The following ANO2 variants were observed in gnomAD, a reference collection of about 807,000 sequenced individuals.
ANO2 encodes anoctamin 2.
Under a neutral mutation model 124.2 loss-of-function variants are expected in ANO2, and 101 were observed. That is an observed-to-expected ratio of 0.81 (90% CI 0.69 to 0.96). The LOEUF is 0.96. Among genes scored for constraint, ANO2 ranks in the 40% least tolerant of loss-of-function variants. ANO2 has a pLI of 0.00. For missense variants in ANO2, 1,293 were observed against 1,274.5 expected (o/e 1.01, Z -0.22); for synonymous variants, 486 against 482.5 (o/e 1.01, Z -0.09).
intron 3 of ANO2, among the ~76,000 whole-genome samples, chr12:5,863,834 TG>T (rs1161174676): frequency 2.0e-5 from 3 of 152,200 alleles, no homozygotes; most frequent in Admixed American, 6.5e-5. Context: ...TAATGTTTTA[TG>T]TTAAATAAAC....
At chr12:5,687,811 C>A (rs530495334) in intron 14 of ANO2, among the ~76,000 whole-genome samples, 1 of 152,134 alleles carries the variant, frequency 6.6e-6, no homozygotes, top group South Asian at 2.1e-4. Flanking sequence ...GGGAACAAGG[C>A]CCAGAGATGG....
rs368473586 is a variant in ANO2 at position 5,618,191 on chromosome 12, C to T, written c.1817-2894G>A. ...GGAGCCCCTCCCTGCCTGAAGGTCA[C>T]CTTTGGGGCTAACTCCCTGGCTCTT... On this transcript the variant is annotated intron_variant, in intron 16 of 24. Coordinates refer to ENST00000682330, the MANE Select transcript of ANO2 (RefSeq NM_001364791.2). 1.1e-4 allele frequency among the ~76,000 whole-genome samples: 16 copies of T among 152,306 alleles called. No homozygotes were observed. The East Asian group carries it at 2.5e-3, about 24-fold the overall frequency.
chr12:5,665,981 C>T lies in ANO2; in HGVS notation c.1546-18180G>A, dbSNP rs573913616. On this transcript the variant is annotated intron_variant, in intron 14 of 24. Coordinates refer to ENST00000682330, the MANE Select transcript of ANO2 (RefSeq NM_001364791.2). ...AGAACACGCACAAGGCAACTCTTTA[C>T]TTAGTGAACAAAATGCACAGCTTAA... is the stretch of plus-strand genomic sequence containing the variant. 2.6e-5 allele frequency among the ~76,000 whole-genome samples: 4 copies of T among 152,250 alleles called. 1 individual carries two copies. In the South Asian group the frequency reaches 8.3e-4, roughly 32 times the overall value.
intron 3 of ANO2, among the ~76,000 whole-genome samples, chr12:5,861,998 T>C (rs1243841983): frequency 1.3e-5 from 2 of 152,222 alleles, no homozygotes; most frequent in African/African-American, 4.8e-5. Context: ...CACCATAGTC[T>C]ACCTGTGTCA....
At chr12:5,805,344 A>G (rs2137171083) in intron 9 of ANO2, among the ~76,000 whole-genome samples, 1 of 152,218 alleles carries the variant, frequency 6.6e-6, no homozygotes. Flanking sequence ...TCTGCTCACT[A>G]GAGTTGTTGA....
At chr12:5,628,401 A>G (rs542019598) in intron 16 of ANO2, among the ~76,000 whole-genome samples, 5 of 152,272 alleles carry the variant, frequency 3.3e-5, no homozygotes, top group African/African-American at 7.2e-5. Context: ...TGCTCTCCCA[A>G]TAAATTTAAA....
intron 15 of ANO2, among the ~76,000 whole-genome samples, chr12:5,644,165 C>G (rs1409297028): frequency 6.6e-6 from 1 of 152,140 alleles, no homozygotes; most frequent in Non-Finnish European, 1.5e-5. Context: ...TTCACAGTCC[C>G]TCTTTAAAAT....
rs1311909684 is a variant in ANO2, at chr12:5,721,505, T to TG, written c.1545+11014_1545+11015insC. 3.5e-5 allele frequency among the ~76,000 whole-genome samples: 5 copies of TG among 141,010 alleles called. 1 individual carries two copies. The highest frequency in any genetic ancestry group is 5.3e-5 in the African/African-American group (2 of 37,746). 92.5% of individuals were successfully genotyped at this position (141,010 alleles called of 152,430 possible). On this transcript the variant is annotated intron_variant, in intron 14 of 24. Transcript: ENST00000682330. ...TTTTGGTTTTTGGTTTTGGGTTTTT[T>TG]TTTTTTGTTTTTTTTTAAGAGGCAG...
At chr12:5,923,313 T>G (rs938373784) in intron 1 of ANO2, among the ~76,000 whole-genome samples, 3 of 148,488 alleles carry the variant, frequency 2.0e-5, no homozygotes, top group Non-Finnish European at 4.4e-5. Context: ...CAGCAGGAGC[T>G]CCTTCGGATC....
intron 16 of ANO2, among the ~76,000 whole-genome samples, chr12:5,620,507 A>C (rs1219145524): frequency 6.6e-6 from 1 of 152,186 alleles, no homozygotes; most frequent in Admixed American, 6.5e-5. Context: ...GGAATTCTAC[A>C]GGAGTTGAAT....
chr12:5,813,094 G>C (rs1953488787), intron 7 of ANO2, among the ~76,000 whole-genome samples: 1 of 85,670 alleles, frequency 1.2e-5, no homozygotes, highest in Non-Finnish European at 2.7e-5. Flanking sequence ...AAAAGGAAGA[G>C]AGGAAGGAAG....
At chr12:5,830,605 T>G (rs763557362) in intron 5 of ANO2, 116 bp from the exon 6 acceptor site, 44 of 755,660 alleles carry the variant, frequency 5.8e-5, no homozygotes, top group Non-Finnish European at 8.8e-5. Context: ...ACTTATGAGG[T>G]GCACACACAC....
intron 14 of ANO2, among the ~76,000 whole-genome samples, chr12:5,670,349 C>G (rs1028467759): frequency 4.6e-5 from 7 of 152,172 alleles, no homozygotes; most frequent in African/African-American, 1.7e-4. Context: ...GCCACTGTTC[C>G]ATGCCATGAA....
intron 16 of ANO2, among the ~76,000 whole-genome samples, chr12:5,624,324 A>C (rs1281412786): frequency 6.6e-6 from 1 of 151,576 alleles, no homozygotes; most frequent in Non-Finnish European, 1.5e-5. Context: ...TAGGCCAATC[A>C]TGAGAATCCT....
chr12:5,586,234 T>C (rs1943104515), intron 20 of ANO2, among the ~76,000 whole-genome samples: 1 of 152,178 alleles, frequency 6.6e-6, no homozygotes, highest in Admixed American at 6.5e-5. Flanking sequence ...CTAGGGCAGA[T>C]AACACCAAGC....
At chr12:5,930,675 T>C (rs755346961) in intron 1 of ANO2, among the ~76,000 whole-genome samples, 1 of 152,126 alleles carries the variant, frequency 6.6e-6, no homozygotes, top group Non-Finnish European at 1.5e-5. Flanking sequence ...CCAGGTCTCA[T>C]CCTGCTTCTT....
Position 5,612,641 on chromosome 12 carries a change from G to C in ANO2, c.2087+15C>G, listed in dbSNP as rs754501634. ...CTGGCAGCAAGGAGAGAGGTTAGAG[G>C]AGTTCATTACATACGGGACTCCAAT... On this transcript the variant is annotated intron_variant, in intron 19 of 24. Coordinates refer to ENST00000682330, the MANE Select transcript of ANO2 (RefSeq NM_001364791.2). The C allele has an allele frequency of 1.9e-5, 30 of 1,610,242 alleles. No individual in the cohort carries two copies. The East Asian group carries it at 5.1e-4, about 28-fold the overall frequency.
intron 3 of ANO2, among the ~76,000 whole-genome samples, chr12:5,911,913 C>A (rs1482223871): frequency 6.6e-6 from 1 of 152,208 alleles, no homozygotes; most frequent in Non-Finnish European, 1.5e-5. Flanking sequence ...TCACAGGTGG[C>A]ACCCAGTAAC....
At chr12:5,707,189 A>G (rs2137034916) in intron 14 of ANO2, among the ~76,000 whole-genome samples, 1 of 134,726 alleles carries the variant, frequency 7.4e-6, no homozygotes, top group African/African-American at 2.7e-5. Flanking sequence ...TTGAAAATTG[A>G]CAGTCTCCCC....
Sources: gnomAD v4.1 joint callset for allele counts (sites outside exome capture counted in the v4.1 genomes callset) on GRCh38, gnomAD v4.1.1 for gene constraint, MANE v1.5 for transcripts, NCBI Gene and HGNC (gene_info 2026-07-23, HGNC 2026-07-21) for gene names.